The following ACSM2A variants were observed in gnomAD, a reference collection of about 807,000 sequenced individuals.
ACSM2A encodes acyl-coenzyme A synthetase ACSM2A, mitochondrial.
A neutral mutation model predicts 76.6 loss-of-function variants in ACSM2A; 72 were observed. That is an observed-to-expected ratio of 0.94 (90% CI 0.78 to 1.14). The LOEUF (loss-of-function observed/expected upper bound fraction) is 1.14, where lower values mean the gene tolerates loss of function less well. Ranked by LOEUF, ACSM2A falls within the 50% of genes most tolerant of loss-of-function variation. ACSM2A has a pLI of 0.00. For synonymous variants in ACSM2A, 249 were observed against 255.9 expected (o/e 0.97, Z 0.26); for missense variants, 684 against 708.5 (o/e 0.97, Z 0.39).
intron 13 of ACSM2A, among the ~76,000 whole-genome samples, chr16:20,483,460 C>T (rs1165938416): frequency 6.8e-6 from 1 of 147,892 alleles, no homozygotes; most frequent in Non-Finnish European, 1.5e-5. Context: ...ATCCCAGCTA[C>T]TCAGGAGGCT....
intron 1 of ACSM2A, among the ~76,000 whole-genome samples, chr16:20,459,834 G>T (rs1240423584): frequency 2.0e-5 from 3 of 152,068 alleles, no homozygotes; most frequent in Non-Finnish European, 2.9e-5. Context: ...AAGCACAAGG[G>T]GATTTATTAC....
At chr16:20,468,433 AT>A (rs1326683785) in intron 3 of ACSM2A, among the ~76,000 whole-genome samples, 1 of 152,064 alleles carries the variant, frequency 6.6e-6, no homozygotes, top group East Asian at 1.9e-4. Context: ...CAGTGGTGCA[AT>A]TTTGGCTCAC....
chr16:20,469,799 G>T, intron 4 of ACSM2A, 80 bp downstream of exon 4: 1 of 1,570,758 alleles, frequency 6.4e-7, no homozygotes, highest in Non-Finnish European at 8.7e-7. Flanking sequence ...GTGCTTTATT[G>T]AGGAGGTGCA....
At chr16:20,455,690 C>A (rs1051097199) in intron 1 of ACSM2A, among the ~76,000 whole-genome samples, 140 of 147,780 alleles carry the variant, frequency 9.5e-4, no homozygotes, top group Non-Finnish European at 1.7e-3. Flanking sequence ...AAAATAGAAC[C>A]TTTTTAAAGC....
intron 10 of ACSM2A, among the ~76,000 whole-genome samples, chr16:20,480,037 C>T (rs1672357852): frequency 6.6e-6 from 1 of 152,198 alleles, no homozygotes; most frequent in Non-Finnish European, 1.5e-5. Context: ...GGAAGATGCA[C>T]TGACAAGGGA....
At position 20,486,862 on chromosome 16, in the gene ACSM2A, T is replaced by G; in HGVS notation, c.*184T>G. ...ATGTTGAAAGAAGAAAGGGAAGGAA[T>G]GAGAGAGAGTGAAAAGGAGAGGGTA... On this transcript the variant is annotated 3_prime_UTR_variant, in exon 14 of 14. Transcript: ENST00000573854. The G allele has an allele frequency of 1.5e-6, 1 of 667,902 alleles. No homozygotes were observed. Among genetic ancestry groups the G allele is most frequent in the East Asian group, 2.9e-5 (1 of 35,036 alleles). 41.4% of individuals were successfully genotyped at this position (667,902 alleles called of 1,614,324 possible). A position where few individuals can be genotyped will look rare whatever the true frequency, so the allele number is the denominator to read the frequency against.
At position 20,465,057 on chromosome 16, in the gene ACSM2A, T is replaced by C. The variant is rs1276133395; in HGVS notation, c.178-460T>C. On this transcript the variant is annotated intron_variant, in intron 2 of 13. Coordinates refer to ENST00000573854, the MANE Select transcript of ACSM2A (RefSeq NM_001308172.2). ...TCTTTCACGAGTATACAATAGCATT[T>C]TCCAGAAGGTACATGTTGGTACTCA... 2.6e-5 allele frequency among the ~76,000 whole-genome samples: 4 copies of C among 152,224 alleles called. No homozygotes were observed. In the East Asian group the frequency reaches 7.7e-4, roughly 29 times the overall value.
At position 20,457,552 on chromosome 16, in the gene ACSM2A, A is replaced by T. The variant is rs531335321; in HGVS notation, c.-8-2555A>T. The stretch of plus-strand genomic sequence containing the variant: ...TGTGATACACCACATAAACAGAATT[A>T]AAAACAAAAATCAAATTATTATCTC... On this transcript the variant is annotated intron_variant, in intron 1 of 13. Coordinates refer to ENST00000573854, the MANE Select transcript of ACSM2A (RefSeq NM_001308172.2). 1.8e-4 allele frequency among the ~76,000 whole-genome samples: 28 copies of T among 152,294 alleles called. No individual in the cohort carries two copies. The East Asian group carries it at 5.0e-3, about 27-fold the overall frequency.
At chr16:20,478,287 G>A (rs1415351597) in intron 9 of ACSM2A, among the ~76,000 whole-genome samples, 1 of 152,180 alleles carries the variant, frequency 6.6e-6, no homozygotes, top group South Asian at 2.1e-4. Flanking sequence ...GGTGAGGCAG[G>A]TCTCAAAGAT....
intron 11 of ACSM2A, 33 bp from the exon 12 acceptor site, chr16:20,480,789 C>G (rs371499978): frequency 4.2e-5 from 67 of 1,613,648 alleles, no homozygotes; most frequent in Non-Finnish European, 5.6e-5. Flanking sequence ...GGTTCGGTGT[C>G]CAGTGTTCTC....
chr16:20,464,149 C>T (rs1314271565), intron 2 of ACSM2A, among the ~76,000 whole-genome samples: 3 of 152,176 alleles, frequency 2.0e-5, no homozygotes, highest in Non-Finnish European at 4.4e-5. Flanking sequence ...GCATTTTGGT[C>T]ACAACTATTT....
intron 6 of ACSM2A, among the ~76,000 whole-genome samples, chr16:20,474,565 G>A (rs564709727): frequency 5.3e-5 from 8 of 152,196 alleles, no homozygotes; most frequent in African/African-American, 1.2e-4. Flanking sequence ...CTCAGTCTCC[G>A]GTACTCAGTT....
At chr16:20,462,488 G>A (rs1392851330) in intron 2 of ACSM2A, among the ~76,000 whole-genome samples, 7 of 152,144 alleles carry the variant, frequency 4.6e-5, no homozygotes, top group Non-Finnish European at 1.0e-4. Context: ...AACTCTATTA[G>A]CAAGGCTGTG....
At chr16:20,466,072 T>C (rs2012977279) in intron 3 of ACSM2A, among the ~76,000 whole-genome samples, 1 of 152,054 alleles carries the variant, frequency 6.6e-6, no homozygotes, top group African/African-American at 2.4e-5. Context: ...TGGCAGACTG[T>C]GACCTGCAGG....
At chr16:20,470,874 G>C in intron 4 of ACSM2A, 199 bp from the exon 5 acceptor site, 1 of 789,914 alleles carries the variant, frequency 1.3e-6, no homozygotes, top group Non-Finnish European at 2.1e-6. Context: ...TGATAACAAA[G>C]TGTGAAACTT....
intron 2 of ACSM2A, among the ~76,000 whole-genome samples, chr16:20,462,510 A>C (rs1381522418): frequency 1.3e-5 from 2 of 152,156 alleles, no homozygotes; most frequent in African/African-American, 4.8e-5. Context: ...GGAAACAGAC[A>C]CTCTCATGTG....
rs1230195983 is a variant in ACSM2A at position 20,483,297 on chromosome 16, C to T, written c.1629+120C>T. ...TTTAAAAAGTCTTCCTGGCTGGGCG[C>T]GGCAGCTCACGCCTGTAATCCCAGC... On this transcript the variant is annotated intron_variant, in intron 13 of 13. Transcript: ENST00000573854. 6.6e-5 allele frequency: 96 copies of T among 1,451,528 alleles called. No homozygotes were observed. The East Asian group carries it at 7.9e-4, about 12-fold the overall frequency. 89.9% of individuals were successfully genotyped at this position (1,451,528 alleles called of 1,614,324 possible). A position where few individuals can be genotyped will look rare whatever the true frequency, so the allele number is the denominator to read the frequency against.
chr16:20,461,846 A>T (rs1389217674), intron 2 of ACSM2A, among the ~76,000 whole-genome samples: 1 of 152,164 alleles, frequency 6.6e-6, no homozygotes, highest in African/African-American at 2.4e-5. Context: ...TCTTAGTGGA[A>T]GGATGGGAAA....
rs539567435 is a variant in ACSM2A, at chr16:20,486,436, A to G, written c.1630-138A>G. 1.7e-4 allele frequency: 145 copies of G among 874,758 alleles called. 1 individual carries two copies. The highest frequency in any genetic ancestry group is 1.1e-3 in the Middle Eastern group (4 of 3,766). The allele number at this position is 874,758 out of a possible 1,614,324, so 54.2% of individuals were successfully genotyped here. On this transcript the variant is annotated intron_variant, in intron 13 of 13. Transcript: ENST00000573854. ...TGTCCTCATCCCAGAGCACTTTCTG[A>G]AGCTTCTTATTGCACAGGGCAGCTG...
Sources: allele counts gnomAD v4.1 joint callset (sites outside exome capture counted in the v4.1 genomes callset), GRCh38; gene constraint gnomAD v4.1.1; transcripts MANE v1.5; gene names NCBI Gene and HGNC (gene_info 2026-07-23, HGNC 2026-07-21).